CDH13: variants seen among roughly 807,000 people sequenced by gnomAD.
CDH13 encodes the protein cadherin-13.
A neutral mutation model predicts 63.8 loss-of-function variants in CDH13; 24 were observed. The ratio of observed to expected loss-of-function variants is 0.38; its 90% CI spans 0.27 to 0.53. The LOEUF (loss-of-function observed/expected upper bound fraction) is 0.53, where lower values mean the gene tolerates loss of function less well. Ranked by LOEUF, CDH13 falls within the 20% of genes least tolerant of loss-of-function variation. CDH13 has a pLI of 0.85. For synonymous variants in CDH13, 503 were observed against 355.3 expected (o/e 1.42, Z -4.67); for missense variants, 1,049 against 903.1 (o/e 1.16, Z -2.07).
chr16:82,788,721 C>T (rs148943942), intron 1 of CDH13, among the ~76,000 whole-genome samples: 35 of 152,288 alleles, frequency 2.3e-4, no homozygotes, highest in African/African-American at 8.2e-4. Flanking sequence ...TCCTCTCCTG[C>T]CAGGATCTTT....
intron 5 of CDH13, among the ~76,000 whole-genome samples, chr16:83,323,847 T>C (rs1002322955): frequency 1.3e-5 from 2 of 152,164 alleles, no homozygotes; most frequent in Non-Finnish European, 2.9e-5. Context: ...AGAAGGATCT[T>C]CGAAAATTCA....
intron 3 of CDH13, among the ~76,000 whole-genome samples, chr16:83,109,227 G>T (rs1567838083): frequency 6.6e-6 from 1 of 152,184 alleles, no homozygotes; most frequent in African/African-American, 2.4e-5. Context: ...AAAGAGGGAA[G>T]GGATGGATTC....
At chr16:83,729,239 T>A (rs567185106) in intron 10 of CDH13, among the ~76,000 whole-genome samples, 167 of 152,308 alleles carry the variant, frequency 1.1e-3, no homozygotes, top group Admixed American at 2.0e-3. Context: ...ATATACATCA[T>A]ATACTGTTAC....
At chr16:82,667,984 G>C (rs1912802617) in intron 1 of CDH13, among the ~76,000 whole-genome samples, 1 of 152,130 alleles carries the variant, frequency 6.6e-6, no homozygotes. Context: ...GTCTCTACTT[G>C]AATGTTACGC....
intron 5 of CDH13, among the ~76,000 whole-genome samples, chr16:83,318,515 C>A (rs1476097213): frequency 6.6e-6 from 1 of 152,104 alleles, no homozygotes; most frequent in African/African-American, 2.4e-5. Context: ...CACATGAAAC[C>A]TGATTCTGTC....
chr16:83,550,226 C>T (rs112264025), intron 7 of CDH13, among the ~76,000 whole-genome samples: 3,228 of 152,258 alleles, frequency 0.021, 135 homozygotes, highest in African/African-American at 0.074. Context: ...AAACAAAACA[C>T]CTGTGGAATC....
chr16:83,426,966 G>A (rs191652750), intron 6 of CDH13, among the ~76,000 whole-genome samples: 24 of 115,050 alleles, frequency 2.1e-4, no homozygotes, highest in Admixed American at 8.4e-4. Flanking sequence ...TTGCTCTGTC[G>A]CCCAGGCTAG....
chr16:82,878,711 G>A lies in CDH13; in HGVS notation c.157+20238G>A, dbSNP rs143037667. ...TTGGGGAGACACAAGCAGTTGGCAG[G>A]GAACTTACAAATCTCCAGGAGGTTA... On this transcript the variant is annotated intron_variant, in intron 2 of 13. Transcript: ENST00000567109. Among the ~76,000 whole-genome samples the A allele has an allele frequency of 2.8e-3, 430 of 151,368 alleles. 3 individuals are homozygous for A. The highest frequency in any genetic ancestry group is 0.01 in the African/African-American group (416 of 41,382).
chr16:82,803,505 C>T (rs1217882331), intron 1 of CDH13, among the ~76,000 whole-genome samples: 2 of 152,082 alleles, frequency 1.3e-5, no homozygotes, highest in Admixed American at 1.3e-4. Flanking sequence ...GAATTCCTTA[C>T]AATTTTTTCT....
At chr16:83,757,877 C>G (rs1480079800) in intron 11 of CDH13, among the ~76,000 whole-genome samples, 2 of 151,886 alleles carry the variant, frequency 1.3e-5, no homozygotes, top group African/African-American at 4.8e-5. Flanking sequence ...GCCTGTAATC[C>G]CAGCACTTTG....
chr16:83,314,290 T>C (rs1462337137), intron 5 of CDH13, among the ~76,000 whole-genome samples: 2 of 152,018 alleles, frequency 1.3e-5, no homozygotes, highest in East Asian at 3.9e-4. Context: ...AAAATGTGAT[T>C]TTTTTTTCTT....
intron 1 of CDH13, among the ~76,000 whole-genome samples, chr16:82,800,915 C>T (rs755738435): frequency 7.9e-5 from 12 of 152,124 alleles, no homozygotes; most frequent in African/African-American, 2.7e-4. Flanking sequence ...TTTCCTTTTT[C>T]CTCCTTTCGA....
intron 1 of CDH13, among the ~76,000 whole-genome samples, chr16:82,656,312 CGTGTGTGT>C (rs111540944): frequency 3.4e-5 from 5 of 146,470 alleles, no homozygotes; most frequent in African/African-American, 1.3e-4. Context: ...GAATGGTGTG[CGTGTGTGT>C]GTGTGTGTGT....
intron 5 of CDH13, among the ~76,000 whole-genome samples, chr16:83,267,630 G>T: frequency 6.6e-6 from 1 of 152,248 alleles, no homozygotes; most frequent in Non-Finnish European, 1.5e-5. Flanking sequence ...CCGGTAAAAG[G>T]ATGAGTTCGG....
intron 6 of CDH13, among the ~76,000 whole-genome samples, chr16:83,465,351 T>C (rs1462227868): frequency 6.6e-6 from 1 of 152,174 alleles, no homozygotes; most frequent in Non-Finnish European, 1.5e-5. Context: ...ATAAAATCTA[T>C]AGCAACGCCT....
At chr16:83,050,499 A>G (rs28665069) in intron 3 of CDH13, among the ~76,000 whole-genome samples, 96 of 152,192 alleles carry the variant, frequency 6.3e-4, no homozygotes, top group African/African-American at 2.1e-3. Flanking sequence ...ATAGAAACCC[A>G]TATATTTTCT....
chr16:82,664,909 G>A (rs1337251883), intron 1 of CDH13, among the ~76,000 whole-genome samples: 1 of 152,006 alleles, frequency 6.6e-6, no homozygotes, highest in East Asian at 1.9e-4. Context: ...ATGTATATAT[G>A]CATATATATG....
intron 7 of CDH13, among the ~76,000 whole-genome samples, chr16:83,540,350 C>G (rs181047125): frequency 2.7e-4 from 41 of 152,274 alleles, no homozygotes; most frequent in African/African-American, 9.9e-4. Context: ...AAGACAGTCA[C>G]CCCCGATGCG....
intron 4 of CDH13, among the ~76,000 whole-genome samples, chr16:83,129,787 T>C (rs77075791): frequency 0.016 from 2,491 of 152,356 alleles, 32 homozygotes; most frequent in Non-Finnish European, 0.022. Context: ...TCTGCTGGTC[T>C]GCACTGAAAA....
Sources: gnomAD v4.1 joint callset for allele counts (sites outside exome capture counted in the v4.1 genomes callset) on GRCh38, gnomAD v4.1.1 for gene constraint, MANE v1.5 for transcripts, NCBI Gene and HGNC (gene_info 2026-07-23, HGNC 2026-07-21) for gene names.